CSMD1: variants seen among roughly 807,000 people sequenced by gnomAD.
CSMD1 encodes the protein CUB and sushi domain-containing protein 1.
A neutral mutation model predicts 417.5 loss-of-function variants in CSMD1; 213 were observed. The observed-to-expected ratio is 0.51, with a 90% CI of 0.46 to 0.57. CSMD1 has a LOEUF of 0.57. Among genes scored for constraint, CSMD1 ranks in the 20% least tolerant of loss-of-function variants. The probability of loss-of-function intolerance (pLI) is 0.00; values close to 1 mark genes in which losing one functional copy is unlikely to be tolerated. For missense variants in CSMD1, 6,923 were observed against 4,529.7 expected (o/e 1.53, Z -15.17); for synonymous variants, 2,862 against 1,736.8 (o/e 1.65, Z -16.11).
chr8:4,503,869 G>A (rs1802386069), intron 2 of CSMD1, among the ~76,000 whole-genome samples: 1 of 151,146 alleles, frequency 6.6e-6, no homozygotes, highest in Admixed American at 6.6e-5. Flanking sequence ...GGAATCACTG[G>A]TAAACAAGAG....
chr8:4,960,874 TAA>T (rs1194220126), intron 1 of CSMD1, among the ~76,000 whole-genome samples: 1 of 152,186 alleles, frequency 6.6e-6, no homozygotes, highest in Non-Finnish European at 1.5e-5. Flanking sequence ...TGTTTATTTT[TAA>T]AAGATTCCTC....
chr8:4,129,075 A>G (rs1356258781), intron 3 of CSMD1, among the ~76,000 whole-genome samples: 2 of 14,864 alleles, frequency 1.3e-4, no homozygotes, highest in Non-Finnish European at 1.5e-4. Flanking sequence ...AGTCCAACTC[A>G]AAAAAAAAAA....
chr8:4,598,115 C>T (rs895291969), intron 2 of CSMD1, among the ~76,000 whole-genome samples: 1 of 152,134 alleles, frequency 6.6e-6, no homozygotes, highest in African/African-American at 2.4e-5. Context: ...CCTCAAACTT[C>T]CCCTGTATCT....
chr8:3,228,014 C>T (rs932285470), intron 27 of CSMD1, among the ~76,000 whole-genome samples: 11 of 152,082 alleles, frequency 7.2e-5, no homozygotes, highest in East Asian at 1.9e-4. Context: ...GTGATCTGCC[C>T]GCCTTGGCCT....
chr8:3,882,404 C>A (rs770857183), intron 5 of CSMD1, among the ~76,000 whole-genome samples: 3 of 152,148 alleles, frequency 2.0e-5, no homozygotes, highest in Non-Finnish European at 2.9e-5. Context: ...AAACAGGAAA[C>A]CTGCCAAATG....
At chr8:4,854,615 C>G (rs1214152686) in intron 1 of CSMD1, among the ~76,000 whole-genome samples, 1 of 152,144 alleles carries the variant, frequency 6.6e-6, no homozygotes, top group Non-Finnish European at 1.5e-5. Flanking sequence ...CGGAAGGGGT[C>G]AGGGAGTTCC....
At chr8:4,112,278 A>T (rs1354662166) in intron 3 of CSMD1, among the ~76,000 whole-genome samples, 1 of 152,074 alleles carries the variant, frequency 6.6e-6, no homozygotes, top group African/African-American at 2.4e-5. Flanking sequence ...TCTCTGATAC[A>T]CCTTTCTGTG....
intron 5 of CSMD1, among the ~76,000 whole-genome samples, chr8:3,802,498 G>T (rs999192815): frequency 6.6e-6 from 1 of 152,128 alleles, no homozygotes; most frequent in Non-Finnish European, 1.5e-5. Context: ...TGAAATTGAT[G>T]TGAGGTCACT....
intron 54 of CSMD1, among the ~76,000 whole-genome samples, chr8:2,982,054 A>T (rs916702166): frequency 6.6e-6 from 1 of 152,072 alleles, no homozygotes; most frequent in Non-Finnish European, 1.5e-5. Context: ...GCTCAAGTTG[A>T]CATACGAATA....
chr8:3,189,368 T>G (rs2129050547), intron 34 of CSMD1, among the ~76,000 whole-genome samples: 1 of 152,346 alleles, frequency 6.6e-6, no homozygotes, highest in Non-Finnish European at 1.5e-5. Flanking sequence ...CATGCAGACA[T>G]GCATCTCCAA....
chr8:3,651,532 TCC>T (rs1269134650), intron 7 of CSMD1, among the ~76,000 whole-genome samples: 11 of 152,230 alleles, frequency 7.2e-5, no homozygotes, highest in African/African-American at 2.6e-4. Context: ...AGGTGTCTCC[TCC>T]AATGTCATGG....
intron 3 of CSMD1, among the ~76,000 whole-genome samples, chr8:4,392,636 T>TG (rs1037970761): frequency 1.1e-4 from 17 of 151,012 alleles, no homozygotes; most frequent in African/African-American, 2.2e-4. Flanking sequence ...AGGGGTTTTT[T>TG]GGGGGGGAGG....
chr8:4,747,324 A>G (rs1018558584), intron 1 of CSMD1, among the ~76,000 whole-genome samples: 1 of 152,176 alleles, frequency 6.6e-6, no homozygotes, highest in Admixed American at 6.5e-5. Flanking sequence ...TTTATTTCAT[A>G]AATATGAAGA....
chr8:3,185,814 T>G (rs771568813), intron 36 of CSMD1, among the ~76,000 whole-genome samples: 2 of 152,196 alleles, frequency 1.3e-5, no homozygotes, highest in Non-Finnish European at 2.9e-5. Flanking sequence ...GAGATTAATA[T>G]AGATTCTGAA....
At chr8:4,483,217 A>T (rs1801198702) in intron 2 of CSMD1, among the ~76,000 whole-genome samples, 1 of 152,178 alleles carries the variant, frequency 6.6e-6, no homozygotes, top group African/African-American at 2.4e-5. Context: ...ACCAAGTGAG[A>T]AGTGCCTTTC....
intron 1 of CSMD1, among the ~76,000 whole-genome samples, chr8:4,943,418 C>G (rs1362859212): frequency 6.6e-6 from 1 of 151,848 alleles, no homozygotes; most frequent in African/African-American, 2.4e-5. Context: ...ATGGCGTGAA[C>G]CCGGGAGGCG....
intron 1 of CSMD1, among the ~76,000 whole-genome samples, chr8:4,712,511 C>G (rs1268671690): frequency 1.3e-5 from 2 of 152,128 alleles, no homozygotes; most frequent in African/African-American, 4.8e-5. Flanking sequence ...GAAAATTTCC[C>G]TTATTTTCCT....
chr8:4,063,919 A>G (rs1351988962), intron 3 of CSMD1, among the ~76,000 whole-genome samples: 1 of 152,198 alleles, frequency 6.6e-6, no homozygotes, highest in African/African-American at 2.4e-5. Flanking sequence ...GTAGGTGATA[A>G]ATCATCTTTC....
intron 3 of CSMD1, among the ~76,000 whole-genome samples, chr8:4,045,177 G>C (rs888418616): frequency 2.0e-5 from 3 of 152,136 alleles, no homozygotes; most frequent in African/African-American, 7.2e-5. Flanking sequence ...GGGGTACCGG[G>C]TGCTGAGGTA....
Sources: allele counts gnomAD v4.1 joint callset (sites outside exome capture counted in the v4.1 genomes callset), GRCh38; gene constraint gnomAD v4.1.1; transcripts MANE v1.5; gene names NCBI Gene and HGNC (gene_info 2026-07-23, HGNC 2026-07-21).